TBC1D9: variants seen among roughly 807,000 people sequenced by gnomAD.
The protein encoded by TBC1D9 is TBC1 domain family member 9.
A neutral mutation model predicts 132.0 loss-of-function variants in TBC1D9; 63 were observed. That is an observed-to-expected ratio of 0.48 (90% CI 0.39 to 0.59). The LOEUF is 0.59. Ranked by LOEUF, TBC1D9 falls within the 20% of genes least tolerant of loss-of-function variation. TBC1D9 has a pLI of 0.00. For synonymous variants in TBC1D9, 610 were observed against 609.9 expected (o/e 1.00, Z 0.00); for missense variants, 1,261 against 1,592.7 (o/e 0.79, Z 3.54).
chr4:140,678,813 A>T, intron 5 of TBC1D9, 129 bp downstream of exon 5: 1 of 1,145,376 alleles, frequency 8.7e-7, no homozygotes, highest in Non-Finnish European at 1.2e-6. Flanking sequence ...AGTCTTTTTT[A>T]GTTTTGTATC....
At chr4:140,722,747 T>A (rs1458204806) in intron 1 of TBC1D9, among the ~76,000 whole-genome samples, 4 of 152,222 alleles carry the variant, frequency 2.6e-5, no homozygotes, top group Non-Finnish European at 4.4e-5. Context: ...TATTTCTTTT[T>A]TAAATTTTAC....
chr4:140,653,236 GC>G (rs1408744114), intron 13 of TBC1D9, among the ~76,000 whole-genome samples: 1 of 152,182 alleles, frequency 6.6e-6, no homozygotes, highest in African/African-American at 2.4e-5. Flanking sequence ...AACCTAGGGA[GC>G]CCTTAACTAA....
intron 1 of TBC1D9, among the ~76,000 whole-genome samples, chr4:140,721,437 T>G (rs980894156): frequency 6.6e-6 from 1 of 152,184 alleles, no homozygotes; most frequent in Admixed American, 6.5e-5. Context: ...AGCTACCAGG[T>G]GGCAGCTACT....
intron 1 of TBC1D9, among the ~76,000 whole-genome samples, chr4:140,752,576 T>C (rs1435163463): frequency 6.6e-6 from 1 of 152,092 alleles, no homozygotes; most frequent in Non-Finnish European, 1.5e-5. Flanking sequence ...TATCCTGGTG[T>C]TGGTTGCCAA....
chr4:140,643,484 A>G, intron 13 of TBC1D9: 2 of 882,614 alleles, frequency 2.3e-6, no homozygotes, highest in South Asian at 1.4e-5. Context: ...TGCCGGGCAC[A>G]GGCACGGCCT....
Position 140,737,092 on chromosome 4 carries a change from A to G in TBC1D9, c.130+18824T>C, listed in dbSNP as rs552129711. On this transcript the variant is annotated intron_variant, in intron 1 of 20. Transcript: ENST00000442267. ...ATTAGATTCTCGTAAGGAGCCCACA[A>G]TCTAGATCCCTTGCATGCGCAGTGC... Among the ~76,000 whole-genome samples the G allele has an allele frequency of 1.1e-4, 16 of 152,262 alleles. No individual in the cohort carries two copies. In the South Asian group the frequency reaches 1.9e-3, roughly 18 times the overall value.
intron 1 of TBC1D9, among the ~76,000 whole-genome samples, chr4:140,709,256 A>T (rs879524078): frequency 0.22 from 23,620 of 105,988 alleles, 2,394 homozygotes; most frequent in Non-Finnish European, 0.31. Context: ...TCTCACACAC[A>T]CACACACACA....
chr4:140,687,374 ATATATATATATATAT>A lies in TBC1D9; in HGVS notation c.242-927_242-913del, dbSNP rs1321466483. 1.0e-4 allele frequency among the ~76,000 whole-genome samples: 8 copies of A among 76,736 alleles called. 1 individual carries two copies. The highest frequency in any genetic ancestry group is 3.0e-4 in the African/African-American group (5 of 16,864). 50.3% of individuals were successfully genotyped at this position (76,736 alleles called of 152,430 possible). ...TATATATATATATATATATATATAT[ATATATATATATATAT>A]ATATATAAACATATAGTATGCACTG... On this transcript the variant is annotated intron_variant, in intron 2 of 20. Coordinates refer to ENST00000442267, the MANE Select transcript of TBC1D9 (RefSeq NM_015130.3).
At chr4:140,735,606 T>C (rs1336610181) in intron 1 of TBC1D9, among the ~76,000 whole-genome samples, 1 of 152,032 alleles carries the variant, frequency 6.6e-6, no homozygotes, top group Non-Finnish European at 1.5e-5. Flanking sequence ...CAGCTACCTG[T>C]GGACTGAGGC....
At chr4:140,746,061 T>C (rs1309394393) in intron 1 of TBC1D9, among the ~76,000 whole-genome samples, 1 of 152,212 alleles carries the variant, frequency 6.6e-6, no homozygotes, top group Non-Finnish European at 1.5e-5. Context: ...AACAATTTGA[T>C]ATGGACTTAA....
At chr4:140,641,601 G>A (rs2110979331) in intron 13 of TBC1D9, among the ~76,000 whole-genome samples, 1 of 152,078 alleles carries the variant, frequency 6.6e-6, no homozygotes. Flanking sequence ...TCTCTGGGTG[G>A]GCAGAAAAGG....
At chr4:140,648,174 ATAAT>A (rs1288461864) in intron 13 of TBC1D9, among the ~76,000 whole-genome samples, 1 of 152,178 alleles carries the variant, frequency 6.6e-6, no homozygotes, top group Non-Finnish European at 1.5e-5. Flanking sequence ...GAGGGAGCCT[ATAAT>A]TATTTTAATT....
chr4:140,697,519 A>G (rs1441341246), intron 2 of TBC1D9, among the ~76,000 whole-genome samples: 2 of 152,248 alleles, frequency 1.3e-5, no homozygotes, highest in Non-Finnish European at 1.5e-5. Context: ...TACAAAAACT[A>G]AAACCATTCT....
At chr4:140,699,864 TAG>T (rs1347306233) in intron 2 of TBC1D9, among the ~76,000 whole-genome samples, 79 of 152,354 alleles carry the variant, frequency 5.2e-4, no homozygotes, top group African/African-American at 1.7e-3. Context: ...GGGGGTGGTA[TAG>T]ATGAGAGTTC....
chr4:140,709,244 TCTCTCACACA>T (rs1268570939), intron 1 of TBC1D9, among the ~76,000 whole-genome samples: 30 of 107,342 alleles, frequency 2.8e-4, no homozygotes, highest in African/African-American at 5.5e-4. Context: ...TCTCTCTCTC[TCTCTCACACA>T]CACACACACA....
intron 1 of TBC1D9, among the ~76,000 whole-genome samples, chr4:140,736,500 G>A (rs567873415): frequency 2.6e-5 from 4 of 152,068 alleles, no homozygotes; most frequent in South Asian, 2.1e-4. Context: ...AGATCATGCC[G>A]CTGTACTCCA....
rs954345035 is a variant in TBC1D9 at position 140,749,944 on chromosome 4, T to C, written c.130+5972A>G. Among the ~76,000 whole-genome samples the C allele has an allele frequency of 2.0e-5, 3 of 152,166 alleles. No homozygotes were observed. The East Asian group carries it at 5.8e-4, about 29-fold the overall frequency. On this transcript the variant is annotated intron_variant, in intron 1 of 20. Transcript: ENST00000442267. ...TATATTATTAGGATTGCTTTATAAA[T>C]GCAAGTTCAGGTAAACACTTGAAAA...
At chr4:140,744,879 TAAAAAAAAAAAAA>T (rs34469042) in intron 1 of TBC1D9, among the ~76,000 whole-genome samples, 1 of 107,516 alleles carries the variant, frequency 9.3e-6, no homozygotes, top group African/African-American at 3.6e-5. Flanking sequence ...CAAGAGTGTT[TAAAAAAAAAAAAA>T]AAAAAAAAAA....
intron 1 of TBC1D9, among the ~76,000 whole-genome samples, chr4:140,754,614 C>CA (rs34471976): frequency 0.097 from 2,256 of 23,194 alleles, 610 homozygotes; most frequent in African/African-American, 0.12. Context: ...GACTCTGTCT[C>CA]AAAAAAAAAA....
Sources: gnomAD v4.1 joint callset for allele counts (sites outside exome capture counted in the v4.1 genomes callset) on GRCh38, gnomAD v4.1.1 for gene constraint, MANE v1.5 for transcripts, NCBI Gene and HGNC (gene_info 2026-07-23, HGNC 2026-07-21) for gene names.